WASHC4: variants seen among roughly 807,000 people sequenced by gnomAD.
WASHC4 encodes the protein WASH complex subunit 4.
WASHC4 carries 86 observed loss-of-function variants against 166.6 expected under a neutral mutation model. The ratio of observed to expected loss-of-function variants is 0.52; its 90% confidence interval spans 0.43 to 0.62. The LOEUF is 0.62. Among genes scored for constraint, WASHC4 ranks in the 20% least tolerant of loss-of-function variants. The pLI is 0.00. For synonymous variants in WASHC4, 446 were observed against 451.6 expected (o/e 0.99, Z 0.16); for missense variants, 1,262 against 1,382.4 (o/e 0.91, Z 1.38).
In WASHC4 at chr12:105,140,311, C is replaced by T. The variant is rs538668090; in HGVS notation, c.1470C>T (p.Phe490=). 4.4e-5 allele frequency: 71 copies of T among 1,612,342 alleles called. No individual in the cohort carries two copies. The South Asian group carries it at 7.2e-4, about 16-fold the overall frequency. ...VELLKAIEHM[F]YRRSMVVADS... is the part of the protein sequence containing the mutation. ...CTTTTTAGGCAATAGAGCATATGTT[C>T]TACAGGAGAAGCATGGTTGTGGCTG... The change falls in exon 16 of 33, where the codon TTC becomes TTT. Residue 490 remains phenylalanine (F), a synonymous_variant. Coordinates refer to ENST00000332180, the MANE Select transcript of WASHC4 (RefSeq NM_015275.3).
chr12:105,146,570 A>G (rs1314187881), intron 23 of WASHC4, 44 bp downstream of exon 23: 4 of 1,059,042 alleles, frequency 3.8e-6, no homozygotes, highest in East Asian at 2.4e-5. Flanking sequence ...GTAGGTGGAG[A>G]TAGTTGGAAG....
intron 26 of WASHC4, among the ~76,000 whole-genome samples, chr12:105,156,209 G>T (rs540348882): frequency 3.5e-4 from 54 of 152,262 alleles, no homozygotes; most frequent in Admixed American, 3.5e-3. Flanking sequence ...CAAAATTGGG[G>T]ATAAAGATCC....
At position 105,167,334 on chromosome 12, in the gene WASHC4, T is replaced by C. The variant is rs2135851952; in HGVS notation, c.*403T>C. 1 of 181,718 alleles carries C rather than the reference T, an allele frequency of 5.5e-6. No homozygotes were observed. Among genetic ancestry groups the C allele is most frequent in the African/African-American group, 2.4e-5 (1 of 42,196 alleles). 11.3% of individuals were successfully genotyped at this position (181,718 alleles called of 1,614,324 possible). On this transcript the variant is annotated 3_prime_UTR_variant, in exon 33 of 33. Transcript: ENST00000332180. ...CAATGCATATACTATATACAGCCAG[T>C]AAATACATGCTTAACAAAAGGAATG...
intron 24 of WASHC4, chr12:105,148,559 T>C (rs1883496622): frequency 7.1e-6 from 7 of 985,308 alleles, no homozygotes; most frequent in African/African-American, 1.7e-5. Flanking sequence ...AGTTACCCAC[T>C]ATTAAGAGTG....
chr12:105,138,053 A>G, intron 15 of WASHC4, 42 bp downstream of exon 15: 2 of 1,591,574 alleles, frequency 1.3e-6, no homozygotes, highest in Non-Finnish European at 1.7e-6. Flanking sequence ...TAATTGAGAA[A>G]TGACCCAGGC....
intron 25 of WASHC4, among the ~76,000 whole-genome samples, 190 bp downstream of exon 25, chr12:105,149,939 T>G (rs2135814947): frequency 6.6e-6 from 1 of 152,226 alleles, no homozygotes; most frequent in East Asian, 1.9e-4. Context: ...AGGTGATACT[T>G]TTTCTTTATT....
At chr12:105,121,739 C>T (rs958239413) in intron 9 of WASHC4, among the ~76,000 whole-genome samples, 2 of 152,190 alleles carry the variant, frequency 1.3e-5, no homozygotes, top group Admixed American at 6.5e-5. Context: ...ATCTCTTGAC[C>T]TCATGATCCG....
chr12:105,107,940 C>A, intron 1 of WASHC4, 79 bp downstream of exon 1: 1 of 1,066,490 alleles, frequency 9.4e-7, no homozygotes. Context: ...AGCGCTCCTG[C>A]GAGAGGGACG....
intron 25 of WASHC4, among the ~76,000 whole-genome samples, chr12:105,151,368 G>T (rs1051833628): frequency 6.6e-6 from 1 of 152,028 alleles, no homozygotes; most frequent in African/African-American, 2.4e-5. Flanking sequence ...CCTATTTCCA[G>T]TTCTCTTGTA....
intron 30 of WASHC4, 117 bp downstream of exon 30, chr12:105,162,962 C>CT (rs1425766474): frequency 1.1e-5 from 7 of 630,722 alleles, no homozygotes; most frequent in Non-Finnish European, 1.9e-5. Flanking sequence ...TTTCTTTTTT[C>CT]TTTTTTATTT....
At position 105,163,626 on chromosome 12, in the gene WASHC4, C is replaced by T. The variant is rs181642693; in HGVS notation, c.3158-485C>T. Reference sequence around the variant, plus strand: ...AAGCGATCCTCCCACCTCAGCCTCCCGAGTAGCTGAGACTACAGGCATGCA... The same window carrying T: ...AAGCGATCCTCCCACCTCAGCCTCCTGAGTAGCTGAGACTACAGGCATGCA... On this transcript the variant is annotated intron_variant, in intron 30 of 32. Transcript: ENST00000332180. 4.3e-3 allele frequency among the ~76,000 whole-genome samples: 649 copies of T among 152,086 alleles called. 2 individuals carry two copies. The highest frequency in any genetic ancestry group is 5.8e-3 in the Non-Finnish European group (392 of 67,970).
Position 105,140,788 on chromosome 12 carries a change from T to G in WASHC4, c.1561-111T>G, listed in dbSNP as rs963876244. On this transcript the variant is annotated intron_variant, in intron 16 of 32. Transcript: ENST00000332180. ...GTCAGAAGCTTAAATGGGGAAAGTATTTGTGTATGCTCTCTTAAATTGAAT... is the reference window on the plus strand; with the variant it reads ...GTCAGAAGCTTAAATGGGGAAAGTAGTTGTGTATGCTCTCTTAAATTGAAT... 25 of 1,068,266 alleles carry G rather than the reference T, an allele frequency of 2.3e-5. No homozygotes were observed. The African/African-American group carries it at 3.1e-4, about 13-fold the overall frequency. 66.2% of individuals were successfully genotyped at this position (1,068,266 alleles called of 1,614,324 possible).
At chr12:105,157,176 CTG>C (rs1884218925) in intron 27 of WASHC4, 58 bp from the exon 28 acceptor site, 1 of 852,084 alleles carries the variant, frequency 1.2e-6, no homozygotes, top group Non-Finnish European at 2.0e-6. Flanking sequence ...ACTTTTATAT[CTG>C]TGTCAATTGC....
chr12:105,163,015 G>A (rs2135844384), intron 30 of WASHC4, among the ~76,000 whole-genome samples, 170 bp downstream of exon 30: 1 of 152,194 alleles, frequency 6.6e-6, no homozygotes, highest in South Asian at 2.1e-4. Flanking sequence ...CCAGGCTGGA[G>A]TGCAGTGGCA....
Position 105,118,462 on chromosome 12 carries a change from T to C in WASHC4, c.452T>C (p.Val151Ala), listed in dbSNP as rs768255978. 6.2e-7 allele frequency: 1 copy of C among 1,613,056 alleles called. No homozygotes were observed. Among genetic ancestry groups the C allele is most frequent in the South Asian group, 1.1e-5 (1 of 91,062 alleles). Residue 151 changes from valine (V) to alanine (A), a missense_variant, in exon 7 of 33, where the codon GTT becomes GCT. By Grantham distance (64) the Val-to-Ala change is moderately conservative. Transcript: ENST00000332180. ...TCGTTTCAGGAACTGTCTTGCTTTG[T>C]TACGAGGTGCTATGAAGTGGTGATG... ...ISFLQELSCF[V>A]TRCYEVVMNV...
At chr12:105,146,864 T>C (rs1232208671) in intron 23 of WASHC4, among the ~76,000 whole-genome samples, 178 bp from the exon 24 acceptor site, 1 of 152,156 alleles carries the variant, frequency 6.6e-6, no homozygotes, top group African/African-American at 2.4e-5. Context: ...GAAACGCTCA[T>C]TGGAACATTT....
chr12:105,107,944 AGGGACGGCTGCGCAGCCGTCTGGTGC>A (rs987444364), intron 1 of WASHC4, 83 bp downstream of exon 1: 1 of 1,041,634 alleles, frequency 9.6e-7, no homozygotes, highest in African/African-American at 1.6e-5. Context: ...CTCCTGCGAG[AGGGACGGCTGCGCAGCCGTCTGGTGC>A]GGGACACTTC....
Position 105,144,367 on chromosome 12 carries a change from A to C in WASHC4, c.2091A>C (p.Arg697=). 1 of 1,613,566 alleles carries C rather than the reference A, an allele frequency of 6.2e-7. No homozygotes were observed. The highest frequency in any genetic ancestry group is 8.5e-7 in the Non-Finnish European group (1 of 1,179,546). Residue 697 remains arginine, a synonymous_variant, in exon 21 of 33, where the codon CGA becomes CGC. Transcript: ENST00000332180. Reference sequence around the variant, plus strand: ...ATACTCATTTAAAGCTGGATGACCGAAACCCTTTCAAAGTTGGCATGAAAG... The same window carrying C: ...ATACTCATTTAAAGCTGGATGACCGCAACCCTTTCAAAGTTGGCATGAAAG... ...SVHTHLKLDD[R]NPFKVGMKDL...
intron 14 of WASHC4, among the ~76,000 whole-genome samples, chr12:105,136,638 C>G (rs1311546753): frequency 6.6e-6 from 1 of 152,130 alleles, no homozygotes; most frequent in Non-Finnish European, 1.5e-5. Context: ...TTCTGCCTGA[C>G]TTAGAGTTAG....
Sources: allele counts gnomAD v4.1 joint callset (sites outside exome capture counted in the v4.1 genomes callset), GRCh38; gene constraint gnomAD v4.1.1; transcripts MANE v1.5; gene names NCBI Gene and HGNC (gene_info 2026-07-23, HGNC 2026-07-21).